The following ZDHHC3 variants were observed in gnomAD, a reference collection of about 807,000 sequenced individuals.
ZDHHC3 encodes the protein zDHHC palmitoyltransferase 3, also known as palmitoyltransferase ZDHHC3.
In ZDHHC3, 9 loss-of-function variants were observed where a neutral mutation model predicts 30.6. The ratio of observed to expected loss-of-function variants is 0.29; its 90% CI spans 0.18 to 0.51. The LOEUF (loss-of-function observed/expected upper bound fraction) is 0.51, where lower values mean the gene tolerates loss of function less well. Among genes scored for constraint, ZDHHC3 ranks in the 20% least tolerant of loss-of-function variants. ZDHHC3 has a pLI of 0.97. For missense variants in ZDHHC3, 246 were observed against 384.2 expected (o/e 0.64, Z 3.01); for synonymous variants, 136 against 140.2 (o/e 0.97, Z 0.21).
At position 44,918,433 on chromosome 3, in the gene ZDHHC3, C is replaced by T. The variant is rs538762435; in HGVS notation, c.*8256G>A. On this transcript the variant is annotated 3_prime_UTR_variant, in exon 7 of 7. Coordinates refer to ENST00000424952, the MANE Select transcript of ZDHHC3 (RefSeq NM_001135179.2). The stretch of plus-strand genomic sequence containing the variant: ...CCACCACCCAGCCCTCCCCTTCTTT[C>T]CTTCCACAAGTGCAATGCCAGATGA... The T allele has an allele frequency of 1.8e-5, 18 of 985,386 alleles. No homozygotes were observed. The South Asian group carries it at 3.3e-4, about 18-fold the overall frequency. The allele number at this position is 985,386 out of a possible 1,614,324, so 61.0% of individuals were successfully genotyped here.
intron 2 of ZDHHC3, chr3:44,958,589 A>AATTACCAC: frequency 6.5e-7 from 1 of 1,536,120 alleles, no homozygotes; most frequent in South Asian, 1.2e-5. Flanking sequence ...GATATTCACC[A>AATTACCAC]AGAGGCACTT....
Position 44,925,888 on chromosome 3 carries a change from C to T in ZDHHC3, c.*801G>A, listed in dbSNP as rs776045100. 1.6e-5 allele frequency: 16 copies of T among 985,798 alleles called. No homozygotes were observed. Among genetic ancestry groups the T allele is most frequent in the Non-Finnish European group, 1.9e-5 (16 of 829,930 alleles). 61.1% of individuals were successfully genotyped at this position (985,798 alleles called of 1,614,324 possible). ...GTGGTGAGAGAGGAAGCAGATGAAA[C>T]AAAGGAAAACGTAGCTTGCCTGAAA... is the stretch of plus-strand genomic sequence containing the variant. On this transcript the variant is annotated 3_prime_UTR_variant, in exon 7 of 7. Coordinates refer to ENST00000424952, the MANE Select transcript of ZDHHC3 (RefSeq NM_001135179.2).
rs1236411738 is a variant in ZDHHC3 at position 44,923,582 on chromosome 3, G to C, written c.*3107C>G. The C allele has an allele frequency of 1.0e-6, 1 of 977,698 alleles. No homozygotes were observed. Among genetic ancestry groups the C allele is most frequent in the Non-Finnish European group, 1.2e-6 (1 of 823,086 alleles). 60.6% of individuals were successfully genotyped at this position (977,698 alleles called of 1,614,324 possible). ...TTTGGGAGGCTAAGGCAGGAAAATT[G>C]CTGGAGGCCGGGCATTTGAGACTAG... On this transcript the variant is annotated 3_prime_UTR_variant, in exon 7 of 7. Transcript: ENST00000424952.
At chr3:44,943,049 C>T (rs1167123524) in intron 3 of ZDHHC3, among the ~76,000 whole-genome samples, 2 of 152,220 alleles carry the variant, frequency 1.3e-5, no homozygotes. Flanking sequence ...ATCTCAGAAG[C>T]AAGCTCACCC....
rs947600188 is a variant in ZDHHC3, at chr3:44,921,301, G to A, written c.*5388C>T. 1 of 985,384 alleles carries A rather than the reference G, an allele frequency of 1.0e-6. No individual in the cohort carries two copies. Among genetic ancestry groups the A allele is most frequent in the Non-Finnish European group, 1.2e-6 (1 of 829,922 alleles). The allele number at this position is 985,384 out of a possible 1,614,324, so 61.0% of individuals were successfully genotyped here. On this transcript the variant is annotated 3_prime_UTR_variant, in exon 7 of 7. Transcript: ENST00000424952. ...GAGAACAGGCTGTTCCCTGCTCCCTGTATCATCAGATGTAGAAAGCCAGAG... is the reference window on the plus strand; with the variant it reads ...GAGAACAGGCTGTTCCCTGCTCCCTATATCATCAGATGTAGAAAGCCAGAG...
intron 2 of ZDHHC3, among the ~76,000 whole-genome samples, chr3:44,955,308 G>A (rs984046410): frequency 6.6e-6 from 1 of 152,036 alleles, no homozygotes; most frequent in East Asian, 1.9e-4. Flanking sequence ...CAAGCTCTAT[G>A]TGGACCTATC....
intron 6 of ZDHHC3, among the ~76,000 whole-genome samples, chr3:44,927,802 C>T (rs550039694): frequency 2.0e-5 from 3 of 152,348 alleles, no homozygotes; most frequent in African/African-American, 7.2e-5. Context: ...AGAAGCCTGG[C>T]CAGGGGTCTG....
At chr3:44,934,178 A>C (rs1399263353) in intron 3 of ZDHHC3, among the ~76,000 whole-genome samples, 194 bp from the exon 4 acceptor site, 1 of 152,174 alleles carries the variant, frequency 6.6e-6, no homozygotes, top group Non-Finnish European at 1.5e-5. Flanking sequence ...CAGTCATTCC[A>C]AACGGGTACA....
chr3:44,934,185 TAC>T (rs1701743129), intron 3 of ZDHHC3, among the ~76,000 whole-genome samples: 1 of 152,012 alleles, frequency 6.6e-6, no homozygotes, highest in African/African-American at 2.4e-5. Context: ...TCCAAACGGG[TAC>T]AGAGTCATTC....
In ZDHHC3 at chr3:44,924,339, A is replaced by T. The variant is rs1356988255; in HGVS notation, c.*2350T>A. The stretch of plus-strand genomic sequence containing the variant: ...TCAGTCATTGTGCTCTTGGCAAAAT[A>T]TCAGTCTGAACAAAAATGAAATAGG... On this transcript the variant is annotated 3_prime_UTR_variant, in exon 7 of 7. Transcript: ENST00000424952. 2 of 985,398 alleles carry T rather than the reference A, an allele frequency of 2.0e-6. No homozygotes were observed. The highest frequency in any genetic ancestry group is 9.4e-5 in the South Asian group (2 of 21,282). 61.0% of individuals were successfully genotyped at this position (985,398 alleles called of 1,614,324 possible).
Position 44,959,954 on chromosome 3 carries a change from G to T in ZDHHC3, c.-24-494C>A, listed in dbSNP as rs1704328914. Among the ~76,000 whole-genome samples, 1 of 152,084 alleles carries T rather than the reference G, an allele frequency of 6.6e-6. No individual in the cohort carries two copies. Among genetic ancestry groups the T allele is most frequent in the African/African-American group, 2.4e-5 (1 of 41,396 alleles). On this transcript the variant is annotated intron_variant, in intron 1 of 6. Transcript: ENST00000424952. The surrounding 1 kb of genome is among the most constrained non-coding windows in gnomAD (Gnocchi z 4.3). ...TTTTTATATTTTTTTGTAGAGATGG[G>T]GTTTTGCCATGTTGCCCAGGCTGAT...
In ZDHHC3 at chr3:44,919,257, C is replaced by G. The variant is rs1700430309; in HGVS notation, c.*7432G>C. 6.8e-6 allele frequency: 2 copies of G among 294,894 alleles called. No individual in the cohort carries two copies. The highest frequency in any genetic ancestry group is 1.3e-4 in the Admixed American group (2 of 15,420). 18.3% of individuals were successfully genotyped at this position (294,894 alleles called of 1,614,324 possible). A position where few individuals can be genotyped will look rare whatever the true frequency, so the allele number is the denominator to read the frequency against. ...TTAACATCACAATAATGAAACGTAT[C>G]AACACCATATGCCTCCTGATACGGT... On this transcript the variant is annotated 3_prime_UTR_variant, in exon 7 of 7. Transcript: ENST00000424952.
At chr3:44,936,509 A>G (rs1466362207) in intron 3 of ZDHHC3, among the ~76,000 whole-genome samples, 1 of 152,246 alleles carries the variant, frequency 6.6e-6, no homozygotes, top group Admixed American at 6.5e-5. Context: ...TACTGGATAC[A>G]TACCTAAGGG....
rs1700649225 is a variant in ZDHHC3 at position 44,922,308 on chromosome 3, T to A, written c.*4381A>T. ...CTCTAGACTACTCACCGGCCGCCGCTCCCATCTGGAGGTCCCTTGGTTCTA... is the reference window on the plus strand; with the variant it reads ...CTCTAGACTACTCACCGGCCGCCGCACCCATCTGGAGGTCCCTTGGTTCTA... On this transcript the variant is annotated 3_prime_UTR_variant, in exon 7 of 7. Transcript: ENST00000424952. 2.0e-6 allele frequency: 2 copies of A among 985,284 alleles called. No individual in the cohort carries two copies. Among genetic ancestry groups the A allele is most frequent in the Non-Finnish European group, 1.2e-6 (1 of 829,942 alleles). The allele number at this position is 985,284 out of a possible 1,614,324, so 61.0% of individuals were successfully genotyped here.
intron 6 of ZDHHC3, 48 bp downstream of exon 6, chr3:44,929,258 C>T: frequency 6.2e-7 from 1 of 1,604,166 alleles, no homozygotes; most frequent in Non-Finnish European, 8.5e-7. Flanking sequence ...GACCCTGGGT[C>T]CTCCCCATCC....
rs1039235940 is a variant in ZDHHC3 at position 44,924,017 on chromosome 3, G to A, written c.*2672C>T. Reference sequence around the variant, plus strand: ...ACCTGACAGAGTTGACAGAAGGAAAGCAAGCTGGGGATCACAATCCAACAA... The same window carrying A: ...ACCTGACAGAGTTGACAGAAGGAAAACAAGCTGGGGATCACAATCCAACAA... On this transcript the variant is annotated 3_prime_UTR_variant, in exon 7 of 7. Coordinates refer to ENST00000424952, the MANE Select transcript of ZDHHC3 (RefSeq NM_001135179.2). 4 of 985,290 alleles carry A rather than the reference G, an allele frequency of 4.1e-6. No homozygotes were observed. The highest frequency in any genetic ancestry group is 4.8e-6 in the Non-Finnish European group (4 of 829,940). 61.0% of individuals were successfully genotyped at this position (985,290 alleles called of 1,614,324 possible).
Position 44,920,570 on chromosome 3 carries a change from A to G in ZDHHC3, c.*6119T>C. 1 of 985,340 alleles carries G rather than the reference A, an allele frequency of 1.0e-6. No homozygotes were observed. Among genetic ancestry groups the G allele is most frequent in the Non-Finnish European group, 1.2e-6 (1 of 829,840 alleles). 61.0% of individuals were successfully genotyped at this position (985,340 alleles called of 1,614,324 possible). On this transcript the variant is annotated 3_prime_UTR_variant, in exon 7 of 7. Transcript: ENST00000424952. ...GTTCCAAGAGGCCATGACGGTGGCC[A>G]AGGCTCATCTAGCTTGTTATGTATC... is the stretch of plus-strand genomic sequence containing the variant.
At chr3:44,966,425 C>T (rs1553694369) in intron 1 of ZDHHC3, among the ~76,000 whole-genome samples, 1 of 152,176 alleles carries the variant, frequency 6.6e-6, no homozygotes, top group Non-Finnish European at 1.5e-5. Flanking sequence ...GTTCAGTCTA[C>T]CCTTAAACAA....
intron 5 of ZDHHC3, among the ~76,000 whole-genome samples, chr3:44,930,874 G>A (rs1701431640): frequency 6.6e-6 from 1 of 152,156 alleles, no homozygotes; most frequent in South Asian, 2.1e-4. Context: ...GTATTGGGGA[G>A]AATGAGAGGC....
Sources: allele counts gnomAD v4.1 joint callset (sites outside exome capture counted in the v4.1 genomes callset), GRCh38; gene constraint gnomAD v4.1.1; non-coding constraint Gnocchi (gnomAD v3.1); transcripts MANE v1.5; gene names NCBI Gene and HGNC (gene_info 2026-07-23, HGNC 2026-07-21).